The following WWP1 variants were observed in gnomAD, a reference collection of about 807,000 sequenced individuals.
WWP1 encodes NEDD4-like E3 ubiquitin-protein ligase WWP1.
WWP1 carries 49 observed loss-of-function variants against 130.6 expected under a neutral mutation model. That is an observed-to-expected ratio of 0.38 (90% CI 0.30 to 0.48). WWP1 has a LOEUF of 0.48. WWP1 is among the 20% of genes least tolerant of loss of function. WWP1 has a pLI of 0.99. For missense variants in WWP1, 809 were observed against 1,100.6 expected (o/e 0.74, Z 3.75); for synonymous variants, 332 against 367.8 (o/e 0.90, Z 1.11).
At chr8:86,356,046 G>A (rs1197867435) in intron 1 of WWP1, among the ~76,000 whole-genome samples, 1 of 152,122 alleles carries the variant, frequency 6.6e-6, no homozygotes, top group Non-Finnish European at 1.5e-5. Flanking sequence ...TGACTCTAAT[G>A]GATAATTGAT....
intron 10 of WWP1, among the ~76,000 whole-genome samples, chr8:86,426,894 C>T (rs1047784598): frequency 9.9e-5 from 15 of 152,108 alleles, no homozygotes; most frequent in African/African-American, 3.1e-4. Flanking sequence ...CATGGTGGCT[C>T]ATGCCTGTAA....
intron 1 of WWP1, 153 bp downstream of exon 1, chr8:86,343,083 T>G (rs1320635127): frequency 3.6e-6 from 1 of 278,738 alleles, no homozygotes; most frequent in Non-Finnish European, 6.7e-6. Flanking sequence ...CCGCCCTACC[T>G]TGGCTACCTT....
At chr8:86,381,411 A>G in intron 4 of WWP1, 94 bp from the exon 5 acceptor site, 2 of 1,419,990 alleles carry the variant, frequency 1.4e-6, no homozygotes, top group Non-Finnish European at 1.9e-6. Flanking sequence ...TTTTTAAAAC[A>G]TTACTGAAAT....
intron 8 of WWP1, among the ~76,000 whole-genome samples, chr8:86,407,819 C>A (rs1433873834): frequency 6.6e-6 from 1 of 152,152 alleles, no homozygotes; most frequent in Admixed American, 6.5e-5. Flanking sequence ...CCATCCCACT[C>A]AGAGTTTTTG....
At chr8:86,364,856 A>G (rs1823874788) in intron 1 of WWP1, among the ~76,000 whole-genome samples, 1 of 151,988 alleles carries the variant, frequency 6.6e-6, no homozygotes, top group Non-Finnish European at 1.5e-5. Flanking sequence ...AGAGAGAGAG[A>G]GAAAGAAGAA....
intron 9 of WWP1, among the ~76,000 whole-genome samples, chr8:86,419,964 A>G (rs1809106134): frequency 6.6e-6 from 1 of 152,212 alleles, no homozygotes; most frequent in South Asian, 2.1e-4. Flanking sequence ...TGCCCAACAT[A>G]TAATTCTGTA....
chr8:86,350,370 G>A (rs1822843324), intron 1 of WWP1, among the ~76,000 whole-genome samples: 2 of 152,192 alleles, frequency 1.3e-5, no homozygotes, highest in Admixed American at 1.3e-4. Context: ...TAGCTTCTGA[G>A]TGGAGTAGTG....
intron 9 of WWP1, among the ~76,000 whole-genome samples, chr8:86,414,489 A>G (rs183219231): frequency 6.6e-6 from 1 of 152,186 alleles, no homozygotes; most frequent in Non-Finnish European, 1.5e-5. Flanking sequence ...ACCAAGGTGG[A>G]TTCTTCTGGC....
At chr8:86,465,333 C>CA (rs1812006216) in intron 24 of WWP1, among the ~76,000 whole-genome samples, 3 of 151,918 alleles carry the variant, frequency 2.0e-5, no homozygotes, top group Admixed American at 2.0e-4. Context: ...AGAAACAAAA[C>CA]AAATAGACCC....
intron 1 of WWP1, among the ~76,000 whole-genome samples, chr8:86,350,898 A>C (rs1425160692): frequency 1.3e-5 from 2 of 152,212 alleles, no homozygotes; most frequent in East Asian, 3.8e-4. Flanking sequence ...GGGGAGGAGA[A>C]TTAGTTAAAT....
chr8:86,383,552 G>A (rs1018803180), intron 5 of WWP1, among the ~76,000 whole-genome samples: 17 of 152,076 alleles, frequency 1.1e-4, no homozygotes, highest in African/African-American at 4.1e-4. Flanking sequence ...GACCAGCCTG[G>A]CCAACATGGT....
chr8:86,452,705 T>C, intron 21 of WWP1, 26 bp downstream of exon 21: 1 of 1,608,310 alleles, frequency 6.2e-7, no homozygotes, highest in South Asian at 1.1e-5. Flanking sequence ...TATGCTATTG[T>C]AGGGAATGTT....
intron 9 of WWP1, among the ~76,000 whole-genome samples, chr8:86,421,503 T>TG (rs202068395): frequency 0.024 from 1,681 of 71,344 alleles, 20 homozygotes; most frequent in Middle Eastern, 0.069. Context: ...GGGTTCTTTT[T>TG]TGGGGGGGTT....
At chr8:86,465,605 G>A (rs1812042526) in intron 24 of WWP1, among the ~76,000 whole-genome samples, 1 of 152,128 alleles carries the variant, frequency 6.6e-6, no homozygotes, top group Non-Finnish European at 1.5e-5. Context: ...AGGCGACACA[G>A]CCAGACCCTG....
intron 2 of WWP1, among the ~76,000 whole-genome samples, chr8:86,373,095 A>T (rs1447946825): frequency 2.0e-5 from 3 of 148,312 alleles, no homozygotes; most frequent in African/African-American, 7.4e-5. Flanking sequence ...TGTAATTTCC[A>T]ACATGGTTTC....
intron 1 of WWP1, among the ~76,000 whole-genome samples, chr8:86,350,820 A>T (rs1822879010): frequency 1.3e-5 from 2 of 152,200 alleles, no homozygotes; most frequent in South Asian, 4.1e-4. Flanking sequence ...TGAAATTAGG[A>T]TACTGTGGTT....
chr8:86,450,768 C>T (rs1193258746), intron 20 of WWP1, among the ~76,000 whole-genome samples: 1 of 152,032 alleles, frequency 6.6e-6, no homozygotes, highest in African/African-American at 2.4e-5. Context: ...ATTTTTAGTG[C>T]ACAAAATAGG....
chr8:86,381,159 A>G (rs1329447404), intron 4 of WWP1, among the ~76,000 whole-genome samples: 1 of 152,174 alleles, frequency 6.6e-6, no homozygotes, highest in Non-Finnish European at 1.5e-5. Context: ...CAAAATAATA[A>G]TGGCATAAAT....
At chr8:86,412,623 T>G (rs1349698362) in intron 9 of WWP1, among the ~76,000 whole-genome samples, 1 of 152,136 alleles carries the variant, frequency 6.6e-6, no homozygotes, top group African/African-American at 2.4e-5. Flanking sequence ...GTTGTAGCTA[T>G]TGAAACTGCA....
Sources: gnomAD v4.1 joint callset for allele counts (sites outside exome capture counted in the v4.1 genomes callset) on GRCh38, gnomAD v4.1.1 for gene constraint, MANE v1.5 for transcripts, NCBI Gene and HGNC (gene_info 2026-07-23, HGNC 2026-07-21) for gene names.